NELL1: variants seen among roughly 807,000 people sequenced by gnomAD.
The protein encoded by NELL1 is protein kinase C-binding protein NELL1.
NELL1 carries 76 observed loss-of-function variants against 107.4 expected under a neutral mutation model. That is an observed-to-expected ratio of 0.71 (90% confidence interval 0.59 to 0.86). NELL1 has a LOEUF of 0.86. NELL1 is among the 40% of genes least tolerant of loss of function. NELL1 has a pLI of 0.00. For synonymous variants in NELL1, 353 were observed against 341.2 expected (o/e 1.03, Z -0.38); for missense variants, 1,024 against 1,005.5 (o/e 1.02, Z -0.25).
At chr11:21,049,170 A>G (rs1853429532) in intron 12 of NELL1, among the ~76,000 whole-genome samples, 1 of 152,174 alleles carries the variant, frequency 6.6e-6, no homozygotes, top group Non-Finnish European at 1.5e-5. Flanking sequence ...GGAAGGAGAC[A>G]TAATTCTGGT....
chr11:21,205,528 C>G (rs540132245), intron 13 of NELL1, among the ~76,000 whole-genome samples: 54 of 152,322 alleles, frequency 3.5e-4, no homozygotes, highest in African/African-American at 1.3e-3. Flanking sequence ...GCGAGAATTT[C>G]AACCCAGTTG....
intron 15 of NELL1, among the ~76,000 whole-genome samples, chr11:21,381,803 A>G (rs1851614231): frequency 6.6e-6 from 1 of 151,812 alleles, no homozygotes; most frequent in Admixed American, 6.6e-5. Context: ...CAAGCTAACA[A>G]AAGTTAATTT....
chr11:20,701,779 T>G (rs909907630), intron 2 of NELL1, among the ~76,000 whole-genome samples: 1 of 151,926 alleles, frequency 6.6e-6, no homozygotes, highest in African/African-American at 2.4e-5. Flanking sequence ...CTTTCCCCAT[T>G]GCTTGTTTTT....
intron 13 of NELL1, among the ~76,000 whole-genome samples, chr11:21,167,868 T>C (rs544912018): frequency 1.3e-5 from 2 of 151,912 alleles, no homozygotes; most frequent in South Asian, 4.1e-4. Context: ...AATGTGCTCT[T>C]CTTTTGACCA....
intron 12 of NELL1, among the ~76,000 whole-genome samples, chr11:21,070,121 A>T (rs1369985555): frequency 6.6e-6 from 1 of 151,590 alleles, no homozygotes; most frequent in Non-Finnish European, 1.5e-5. Flanking sequence ...GAGTCACTCC[A>T]AGGCTGTTTT....
intron 2 of NELL1, among the ~76,000 whole-genome samples, chr11:20,734,494 G>T (rs1214166133): frequency 6.6e-6 from 1 of 152,148 alleles, no homozygotes; most frequent in Non-Finnish European, 1.5e-5. Context: ...GAAGTATTCA[G>T]ATTTGGGATA....
At chr11:20,988,352 C>T (rs1301140127) in intron 12 of NELL1, among the ~76,000 whole-genome samples, 1 of 151,294 alleles carries the variant, frequency 6.6e-6, no homozygotes, top group Non-Finnish European at 1.5e-5. Flanking sequence ...CACAAATATA[C>T]ATATCTCTAT....
At chr11:21,568,414 GA>G (rs1273447438) in intron 17 of NELL1, among the ~76,000 whole-genome samples, 1 of 151,722 alleles carries the variant, frequency 6.6e-6, no homozygotes, top group African/African-American at 2.4e-5. Flanking sequence ...GTACCTTTAT[GA>G]ACCTTGTATA....
intron 12 of NELL1, among the ~76,000 whole-genome samples, chr11:20,987,477 T>A (rs778043032): frequency 2.0e-5 from 3 of 152,148 alleles, no homozygotes; most frequent in African/African-American, 4.8e-5. Context: ...AAACTTACAA[T>A]CATGATGGAA....
At chr11:21,217,735 T>C (rs534272226) in intron 13 of NELL1, among the ~76,000 whole-genome samples, 1 of 152,250 alleles carries the variant, frequency 6.6e-6, no homozygotes, top group South Asian at 2.1e-4. Flanking sequence ...TTTTTTAAGA[T>C]ATGTAAAAGG....
chr11:21,456,515 A>AT (rs1853742852), intron 15 of NELL1, among the ~76,000 whole-genome samples: 1 of 151,832 alleles, frequency 6.6e-6, no homozygotes, highest in South Asian at 2.1e-4. Context: ...GGATTTTATT[A>AT]TTTTTTTGTT....
chr11:20,776,467 A>C (rs1856752649), intron 2 of NELL1, among the ~76,000 whole-genome samples: 1 of 151,806 alleles, frequency 6.6e-6, no homozygotes, highest in Non-Finnish European at 1.5e-5. Context: ...AATAAAAATA[A>C]AATAAAATTT....
At chr11:21,276,629 A>G (rs1292136678) in intron 14 of NELL1, among the ~76,000 whole-genome samples, 1 of 152,240 alleles carries the variant, frequency 6.6e-6, no homozygotes, top group Admixed American at 6.5e-5. Flanking sequence ...GAGGCATCAC[A>G]CTACCTGACT....
intron 14 of NELL1, among the ~76,000 whole-genome samples, chr11:21,264,853 C>A (rs1403107455): frequency 6.6e-6 from 1 of 151,810 alleles, no homozygotes; most frequent in Non-Finnish European, 1.5e-5. Flanking sequence ...CAAAGAGATT[C>A]TCTTGCTTTA....
At chr11:21,240,356 A>G (rs555645169) in intron 14 of NELL1, among the ~76,000 whole-genome samples, 1 of 152,014 alleles carries the variant, frequency 6.6e-6, no homozygotes, top group Admixed American at 6.6e-5. Flanking sequence ...CTAAATTTAG[A>G]TGTGGGGGTA....
At chr11:21,042,125 A>G (rs1257736373) in intron 12 of NELL1, among the ~76,000 whole-genome samples, 1 of 152,232 alleles carries the variant, frequency 6.6e-6, no homozygotes, top group Non-Finnish European at 1.5e-5. Flanking sequence ...TCATTTGCTA[A>G]CAATACTTAA....
intron 14 of NELL1, among the ~76,000 whole-genome samples, chr11:21,364,123 A>T (rs1455882422): frequency 1.3e-5 from 2 of 152,094 alleles, no homozygotes; most frequent in Non-Finnish European, 2.9e-5. Flanking sequence ...AATGTAAAAG[A>T]CTTCAGGCCA....
intron 2 of NELL1, among the ~76,000 whole-genome samples, chr11:20,690,998 C>T (rs936205530): frequency 5.3e-5 from 8 of 152,016 alleles, no homozygotes; most frequent in South Asian, 4.2e-4. Flanking sequence ...AGGTCCTTCA[C>T]GTCCCTTTTA....
intron 16 of NELL1, among the ~76,000 whole-genome samples, chr11:21,539,388 G>C (rs1314883298): frequency 6.6e-6 from 1 of 152,014 alleles, no homozygotes; most frequent in Non-Finnish European, 1.5e-5. Flanking sequence ...CAAGGACAGA[G>C]GGCCAGTGTG....
Sources: allele counts gnomAD v4.1 joint callset (sites outside exome capture counted in the v4.1 genomes callset), GRCh38; gene constraint gnomAD v4.1.1; transcripts MANE v1.5; gene names NCBI Gene and HGNC (gene_info 2026-07-23, HGNC 2026-07-21).